Variants in RPTOR observed in about 807,000 individuals in gnomAD.
RPTOR encodes the protein regulatory associated protein of MTOR complex 1, also known as regulatory-associated protein of mTOR.
In RPTOR, 21 loss-of-function variants were observed where a neutral mutation model predicts 169.9. The observed-to-expected ratio is 0.12, with a 90% CI of 0.09 to 0.18. The LOEUF (loss-of-function observed/expected upper bound fraction) is 0.18. Ranked by LOEUF, RPTOR falls within the 10% of genes least tolerant of loss-of-function variation. The probability of loss-of-function intolerance (pLI) is 1.00; values close to 1 mark genes in which losing one functional copy is unlikely to be tolerated. For missense variants in RPTOR, 1,133 were observed against 1,855.9 expected (o/e 0.61, Z 7.16); for synonymous variants, 732 against 753.2 (o/e 0.97, Z 0.46).
intron 1 of RPTOR, among the ~76,000 whole-genome samples, chr17:80,618,454 C>T (rs1015142792): frequency 6.6e-6 from 1 of 152,230 alleles, no homozygotes; most frequent in Non-Finnish European, 1.5e-5. Flanking sequence ...GAACTAAACT[C>T]ATACCAAGTC....
intron 1 of RPTOR, among the ~76,000 whole-genome samples, chr17:80,612,026 C>G (rs1019044988): frequency 6.6e-6 from 1 of 152,126 alleles, no homozygotes; most frequent in South Asian, 2.1e-4. Context: ...TTGGCAAGAA[C>G]GCTTCATAAG....
At position 80,883,446 on chromosome 17, in the gene RPTOR, A is replaced by G; in HGVS notation, c.1612A>G (p.Ile538Val). 6.2e-7 allele frequency: 1 copy of G among 1,614,124 alleles called. No homozygotes were observed. Among genetic ancestry groups the G allele is most frequent in the Non-Finnish European group, 8.5e-7 (1 of 1,180,034 alleles). The stretch of plus-strand genomic sequence containing the variant: ...TGAACACCGGACCATGACGGCTTTC[A>G]TTCTCGCCGTGATCGTCAACAGCTA... ...PAEHRTMTAFILAVIVNSYHT... is the reference protein window; with the variant it reads ...PAEHRTMTAFVLAVIVNSYHT... The change falls in exon 15 of 34, where the codon ATT (isoleucine) becomes GTT (valine). Residue 538 changes from isoleucine to valine, a missense_variant. Physicochemically the swap from Ile to Val is conservative, Grantham distance 29. Around this residue, in one of 9 missense-constraint regions of RPTOR, gnomAD observed 289 missense variants for 585.8 expected, o/e 0.49. Transcript: ENST00000306801.
chr17:80,703,902 G>C (rs948045780), intron 3 of RPTOR, among the ~76,000 whole-genome samples: 5 of 152,352 alleles, frequency 3.3e-5, no homozygotes, highest in African/African-American at 1.2e-4. Context: ...CTGCTGCTTA[G>C]ACTGGCCATT....
Position 80,891,730 on chromosome 17 carries a change from T to C in RPTOR, c.1994T>C (p.Val665Ala). 1 of 1,612,668 alleles carries C rather than the reference T, an allele frequency of 6.2e-7. No individual in the cohort carries two copies. The highest frequency in any genetic ancestry group is 8.5e-7 in the Non-Finnish European group (1 of 1,178,786). ...GSPMVRKELVVALSHLVVQYE... is the reference protein window; with the variant it reads ...GSPMVRKELVAALSHLVVQYE... Reference sequence around the variant, plus strand: ...TCTCCCTCTCGGCAGGAGCTGGTGGTGGCTCTGAGTCATCTTGTGGTTCAG... The same window carrying C: ...TCTCCCTCTCGGCAGGAGCTGGTGGCGGCTCTGAGTCATCTTGTGGTTCAG... Residue 665 changes from valine to alanine, a missense_variant, in exon 18 of 34, where the codon GTG becomes GCG. Val to Ala is a moderately conservative substitution (Grantham distance 64). Around this residue, in one of 9 missense-constraint regions of RPTOR, gnomAD observed 150 missense variants for 206.4 expected, o/e 0.73. Transcript: ENST00000306801.
At chr17:80,661,705 G>A (rs1363836674) in intron 3 of RPTOR, among the ~76,000 whole-genome samples, 1 of 150,926 alleles carries the variant, frequency 6.6e-6, no homozygotes, top group African/African-American at 2.4e-5. Context: ...ACCACCCCCC[G>A]CCCCCTTTCT....
chr17:80,846,876 A>G (rs1223279114), intron 11 of RPTOR, among the ~76,000 whole-genome samples: 5 of 152,248 alleles, frequency 3.3e-5, no homozygotes. Flanking sequence ...GTCATCAGCC[A>G]GTCCATCATC....
chr17:80,926,984 G>C (rs1025850077), intron 24 of RPTOR, among the ~76,000 whole-genome samples: 1 of 152,236 alleles, frequency 6.6e-6, no homozygotes, highest in African/African-American at 2.4e-5. Flanking sequence ...CACCTGCTGG[G>C]CTCACCGCTG....
chr17:80,964,395 G>A lies in RPTOR; in HGVS notation c.*65G>A, dbSNP rs1019205457. The A allele has an allele frequency of 6.5e-6, 10 of 1,532,534 alleles. No homozygotes were observed. The highest frequency in any genetic ancestry group is 1.1e-5 in the South Asian group (1 of 89,706). The allele number at this position is 1,532,534 out of a possible 1,614,324, so 94.9% of individuals were successfully genotyped here. On this transcript the variant is annotated 3_prime_UTR_variant, in exon 34 of 34. Coordinates refer to ENST00000306801, the MANE Select transcript of RPTOR (RefSeq NM_020761.3). Reference sequence around the variant, plus strand: ...TACATAGTGAAGCTGTCACTCGCCGGGGCACGGGGCGTCGGCTGCTGCGGC... The same window carrying A: ...TACATAGTGAAGCTGTCACTCGCCGAGGCACGGGGCGTCGGCTGCTGCGGC...
At chr17:80,797,751 A>T (rs2067114734) in intron 7 of RPTOR, among the ~76,000 whole-genome samples, 1 of 152,152 alleles carries the variant, frequency 6.6e-6, no homozygotes, top group Non-Finnish European at 1.5e-5. Flanking sequence ...TTTTCTGAAG[A>T]TTTATTCTTG....
intron 1 of RPTOR, among the ~76,000 whole-genome samples, chr17:80,590,059 C>G (rs1314451969): frequency 6.6e-6 from 1 of 152,244 alleles, no homozygotes; most frequent in Non-Finnish European, 1.5e-5. Flanking sequence ...AGGTTTCTTT[C>G]TTGCTTATAA....
intron 1 of RPTOR, among the ~76,000 whole-genome samples, chr17:80,569,481 T>G (rs2064880113): frequency 6.6e-6 from 1 of 152,088 alleles, no homozygotes; most frequent in Non-Finnish European, 1.5e-5. Context: ...GCCGAGGTTG[T>G]GCCATTGTAC....
At chr17:80,864,512 GA>G (rs200486427) in intron 13 of RPTOR, among the ~76,000 whole-genome samples, 1 of 152,152 alleles carries the variant, frequency 6.6e-6, no homozygotes, top group Non-Finnish European at 1.5e-5. Context: ...CAGAGAAAGA[GA>G]AAAAACTGTC....
At chr17:80,902,427 C>T (rs2280147) in intron 20 of RPTOR, among the ~76,000 whole-genome samples, 105,121 of 152,138 alleles carry the variant, frequency 0.69, 37,082 homozygotes, top group Non-Finnish European at 0.76. Context: ...GTGGTCTTGC[C>T]GGGAGGTTGC....
At chr17:80,847,550 C>T (rs1198771480) in intron 11 of RPTOR, among the ~76,000 whole-genome samples, 2 of 152,184 alleles carry the variant, frequency 1.3e-5, no homozygotes, top group Admixed American at 6.5e-5. Flanking sequence ...TGGACTTTGG[C>T]GAGGAGCTGT....
intron 13 of RPTOR, among the ~76,000 whole-genome samples, chr17:80,876,793 C>T (rs1413884190): frequency 2.4e-5 from 3 of 126,968 alleles, no homozygotes; most frequent in South Asian, 3.0e-4. Flanking sequence ...CCACCGAGCC[C>T]GTGCCACACA....
intron 17 of RPTOR, among the ~76,000 whole-genome samples, chr17:80,886,521 T>A (rs2068248488): frequency 6.6e-6 from 1 of 152,212 alleles, no homozygotes; most frequent in Admixed American, 6.5e-5. Context: ...AAATCAGCGG[T>A]TTGTCTGCTA....
Position 80,957,929 on chromosome 17 carries a change from A to G in RPTOR, c.3477+199A>G, listed in dbSNP as rs1278749839. Among the ~76,000 whole-genome samples, 3 of 152,190 alleles carry G rather than the reference A, an allele frequency of 2.0e-5. 1 individual carries two copies. Among genetic ancestry groups the G allele is most frequent in the East Asian group, 1.9e-4 (1 of 5,200 alleles). On this transcript the variant is annotated intron_variant, in intron 29 of 33. Transcript: ENST00000306801. The surrounding 1 kb of genome is among the most constrained non-coding windows in gnomAD (Gnocchi z 4.6). ...GGCCTCTGGATGAAGGTGAACTGCA[A>G]CACCCAGCCCTGCGCTGCAGTATGG...
chr17:80,712,111 A>C (rs780152262), intron 4 of RPTOR, among the ~76,000 whole-genome samples: 2 of 152,094 alleles, frequency 1.3e-5, no homozygotes, highest in Non-Finnish European at 2.9e-5. Context: ...AAATTGAGCA[A>C]GTTTATTGAG....
chr17:80,557,164 G>A (rs374602867), intron 1 of RPTOR, among the ~76,000 whole-genome samples: 1 of 152,174 alleles, frequency 6.6e-6, no homozygotes, highest in South Asian at 2.1e-4. Flanking sequence ...TTATCACCCT[G>A]TGGAGTTCTA....
Sources: gnomAD v4.1 joint callset for allele counts (sites outside exome capture counted in the v4.1 genomes callset) on GRCh38, gnomAD v4.1.1 for gene constraint, gnomAD v4.1.1 regional missense constraint, Gnocchi (gnomAD v3.1) non-coding constraint, MANE v1.5 for transcripts, NCBI Gene and HGNC (gene_info 2026-07-23, HGNC 2026-07-21) for gene names.